Variants in SFPQ observed in about 807,000 individuals in gnomAD.
SFPQ encodes the protein splicing factor proline and glutamine rich, also known as splicing factor, proline- and glutamine-rich.
Under a neutral mutation model 72.9 loss-of-function variants are expected in SFPQ, and 11 were observed. The ratio of observed to expected loss-of-function variants is 0.15; its 90% CI spans 0.09 to 0.25. SFPQ has a LOEUF of 0.25. Among genes scored for constraint, SFPQ ranks in the 10% least tolerant of loss-of-function variants. SFPQ has a pLI of 1.00. For missense variants in SFPQ, 847 were observed against 993.3 expected, an observed-to-expected ratio of 0.85 and a Z score of 1.98; for synonymous variants, 506 against 367.3, an observed-to-expected ratio of 1.38 and a Z score of -4.32.
In SFPQ at chr1:35,183,574, TA is replaced by T; in HGVS notation, c.*881del. ...TTTTTTAGACTACACCCCATCTTTATAAATCACTTGAATACATGAAAAGACT... is the reference window on the plus strand; with the variant it reads ...TTTTTTAGACTACACCCCATCTTTATAATCACTTGAATACATGAAAAGACT... On this transcript the variant is annotated 3_prime_UTR_variant, in exon 10 of 10. Coordinates refer to ENST00000357214, the MANE Select transcript of SFPQ (RefSeq NM_005066.3). The T allele has an allele frequency of 9.8e-7, 1 of 1,020,716 alleles. No individual in the cohort carries two copies. The highest frequency in any genetic ancestry group is 1.2e-6 in the Non-Finnish European group (1 of 850,712). 63.2% of individuals were successfully genotyped at this position (1,020,716 alleles called of 1,614,324 possible).
Position 35,183,460 on chromosome 1 carries a change from G to T in SFPQ, c.*996C>A. The T allele has an allele frequency of 1.7e-6, 1 of 573,154 alleles. No homozygotes were observed. The highest frequency in any genetic ancestry group is 2.2e-6 in the Non-Finnish European group (1 of 446,672). 35.5% of individuals were successfully genotyped at this position (573,154 alleles called of 1,614,324 possible). A position where few individuals can be genotyped will look rare whatever the true frequency, so the allele number is the denominator to read the frequency against. ...TCTTGAACTCCTGATCTCATGATTTGCCCACCTCAGCCTCCCAAAGTGCTG... is the reference window on the plus strand; with the variant it reads ...TCTTGAACTCCTGATCTCATGATTTTCCCACCTCAGCCTCCCAAAGTGCTG... On this transcript the variant is annotated 3_prime_UTR_variant, in exon 10 of 10. Transcript: ENST00000357214.
chr1:35,180,473 T>C (rs1005996795), downstream of SFPQ: 2 of 1,050,274 alleles, frequency 1.9e-6, no homozygotes, highest in Non-Finnish European at 2.3e-6. Context: ...TATTCGACTG[T>C]AGTCAAGTCA....
chr1:35,191,318 T>C, intron 2 of SFPQ, 23 bp downstream of exon 2: 1 of 1,604,404 alleles, frequency 6.2e-7, no homozygotes, highest in Non-Finnish European at 8.5e-7. Flanking sequence ...TAATTCTACG[T>C]AAAATCAAAC....
Position 35,189,092 on chromosome 1 carries a change from A to C in SFPQ, c.1613-5T>G, listed in dbSNP as rs756451500. On this transcript the variant is annotated splice_polypyrimidine_tract_variant and splice_region_variant and intron_variant, in intron 5 of 9. Coordinates refer to ENST00000357214, the MANE Select transcript of SFPQ (RefSeq NM_005066.3). ...CTTCCTGTCGTCTCATCAGATCTGA[A>C]CATTGGAAAATATTTGGATTCACAT... 1.2e-5 allele frequency: 20 copies of C among 1,613,374 alleles called. No homozygotes were observed. The highest frequency in any genetic ancestry group is 1.6e-5 in the Non-Finnish European group (19 of 1,179,836).
downstream of SFPQ, chr1:35,180,671 T>C (rs200159267): frequency 9.5e-7 from 1 of 1,055,244 alleles, no homozygotes; most frequent in Non-Finnish European, 1.1e-6. Flanking sequence ...TCAACTCAAC[T>C]TGTAGAATTA....
downstream of SFPQ, chr1:35,178,921 G>GA: frequency 6.7e-6 from 7 of 1,051,002 alleles, no homozygotes; most frequent in Non-Finnish European, 8.0e-6. Context: ...CAGCACTGGT[G>GA]TTCAAAAGCA....
rs896814053 is a variant in SFPQ, at chr1:35,183,271, A to C, written c.*1185T>G. The stretch of plus-strand genomic sequence containing the variant: ...AGTCTCGCTCTGTTGTCCAGGCTGG[A>C]GTGCAGTGGCAGTCTCAGCTCACTG... On this transcript the variant is annotated 3_prime_UTR_variant, in exon 10 of 10. Transcript: ENST00000357214. 7.3e-6 allele frequency: 5 copies of C among 682,462 alleles called. No individual in the cohort carries two copies. The African/African-American group carries it at 9.8e-5, about 13-fold the overall frequency. The allele number at this position is 682,462 out of a possible 1,614,324, so 42.3% of individuals were successfully genotyped here.
chr1:35,190,864 G>A lies in SFPQ; in HGVS notation c.1149C>T (p.Ser383=), dbSNP rs1031911553. 6 of 1,614,010 alleles carry A rather than the reference G, an allele frequency of 3.7e-6. No homozygotes were observed. Among genetic ancestry groups the A allele is most frequent in the Non-Finnish European group, 5.1e-6 (6 of 1,180,036 alleles). ...TAAAGGCTTCTTCCAACAGTTCATT[G>A]GAAACATAAGGTGAAAGATTACGAA... ...LSVRNLSPYV[S]NELLEEAFSQ... The change falls in exon 3 of 10, where the codon TCC becomes TCT. Residue 383 remains serine, a synonymous_variant. Coordinates refer to ENST00000357214, the MANE Select transcript of SFPQ (RefSeq NM_005066.3).
chr1:35,191,664 G>T (rs372785414), intron 1 of SFPQ, 135 bp from the exon 2 acceptor site: 298 of 654,204 alleles, frequency 4.6e-4, no homozygotes, highest in African/African-American at 4.3e-3. Context: ...TTTACTATGT[G>T]AGATTTCTAA....
At chr1:35,190,061 G>C (rs1326835760) in intron 4 of SFPQ, among the ~76,000 whole-genome samples, 1 of 152,110 alleles carries the variant, frequency 6.6e-6, no homozygotes, top group African/African-American at 2.4e-5. Flanking sequence ...AGGAGTTCGA[G>C]ATCAGCCTAG....
downstream of SFPQ, chr1:35,178,536 G>C: frequency 9.4e-7 from 1 of 1,061,002 alleles, no homozygotes; most frequent in Non-Finnish European, 1.1e-6. Context: ...TTGTTGTCCT[G>C]CAATCCTTTG....
chr1:35,178,393 T>A (rs570731057), downstream of SFPQ: 157 of 1,064,880 alleles, frequency 1.5e-4, no homozygotes, highest in South Asian at 7.5e-4. Context: ...TAACATCAGC[T>A]CTTTTTTCAT....
At position 35,192,305 on chromosome 1, in the gene SFPQ, G is replaced by C; in HGVS notation, c.745C>G (p.Pro249Ala). The C allele has an allele frequency of 1.4e-6, 2 of 1,449,746 alleles. No individual in the cohort carries two copies. The highest frequency in any genetic ancestry group is 1.8e-6 in the Non-Finnish European group (2 of 1,111,280). 89.8% of individuals were successfully genotyped at this position (1,449,746 alleles called of 1,614,324 possible). A position where few individuals can be genotyped will look rare whatever the true frequency, so the allele number is the denominator to read the frequency against. The change falls in exon 1 of 10, where the codon CCG becomes GCG. Residue 249 changes from proline to alanine, a missense_variant. By Grantham distance (27) the Pro-to-Ala change is conservative (BLOSUM62 -1). Around this residue, in one of 6 missense-constraint regions of SFPQ, gnomAD observed 498 missense variants for 405.1 expected, o/e 1.23. Coordinates refer to ENST00000357214, the MANE Select transcript of SFPQ (RefSeq NM_005066.3). ...TGGTGATGCTGCTGGTGGTAGGGCG[G>C]GTGGTGCTGGCGGCCCCCGCGGGGC... ...GEPRGGRQHH[P>A]PYHQQHHQGP...
chr1:35,189,727 T>C (rs1639902627), intron 4 of SFPQ, among the ~76,000 whole-genome samples: 1 of 152,118 alleles, frequency 6.6e-6, no homozygotes, highest in South Asian at 2.1e-4. Flanking sequence ...GGCAGGTGGA[T>C]CACCTGAGGT....
chr1:35,181,899 T>C, downstream of SFPQ: 1 of 985,308 alleles, frequency 1.0e-6, no homozygotes, highest in Non-Finnish European at 1.2e-6. Context: ...GCTGTTTTAG[T>C]GATGAAAGTC....
intron 9 of SFPQ, among the ~76,000 whole-genome samples, chr1:35,186,315 C>T (rs1410798364): frequency 1.3e-5 from 2 of 152,162 alleles, no homozygotes; most frequent in Non-Finnish European, 2.9e-5. Context: ...TTGTTCTAAG[C>T]ATCTGACAGG....
chr1:35,192,212 A>G lies in SFPQ; in HGVS notation c.828+10T>C, dbSNP rs992210637. On this transcript the variant is annotated intron_variant, in intron 1 of 9. Coordinates refer to ENST00000357214, the MANE Select transcript of SFPQ (RefSeq NM_005066.3). ...AGGGGAGCCGACGCGTCGCTCCCAT[A>G]GACACTCACCTCCGAGTCCGAGATC... 19 of 1,432,594 alleles carry G rather than the reference A, an allele frequency of 1.3e-5. No individual in the cohort carries two copies. The African/African-American group carries it at 2.7e-4, about 20-fold the overall frequency. The allele number at this position is 1,432,594 out of a possible 1,614,324, so 88.7% of individuals were successfully genotyped here. A position where few individuals can be genotyped will look rare whatever the true frequency, so the allele number is the denominator to read the frequency against.
downstream of SFPQ, chr1:35,179,735 T>C (rs2148604907): frequency 9.5e-7 from 1 of 1,056,150 alleles, no homozygotes; most frequent in South Asian, 4.6e-5. Flanking sequence ...CCCAATAAAG[T>C]TCCTGAAGTC....
Position 35,190,500 on chromosome 1 carries a change from T to C in SFPQ, c.1413A>G (p.Gln471=). 1.2e-6 allele frequency: 2 copies of C among 1,600,920 alleles called. No individual in the cohort carries two copies. The highest frequency in any genetic ancestry group is 1.7e-6 in the Non-Finnish European group (2 of 1,169,932). ...EKLAQKNPMY[Q]KERETPPRFA... The stretch of plus-strand genomic sequence containing the variant: ...CAAAAAAGTTTAATCAATCTTACTT[T>C]TGATACATTGGATTCTTCTGGGCAA... Residue 471 remains glutamine (Q), a splice_region_variant and synonymous_variant, in exon 4 of 10, where the codon CAA becomes CAG. Coordinates refer to ENST00000357214, the MANE Select transcript of SFPQ (RefSeq NM_005066.3).
Sources: gnomAD v4.1 joint callset for allele counts (sites outside exome capture counted in the v4.1 genomes callset) on GRCh38, gnomAD v4.1.1 for gene constraint, gnomAD v4.1.1 regional missense constraint, MANE v1.5 for transcripts, NCBI Gene and HGNC (gene_info 2026-07-23, HGNC 2026-07-21) for gene names.